The following CCDC38 variants were observed in gnomAD, a reference collection of about 807,000 sequenced individuals.
CCDC38 encodes the protein coiled-coil domain-containing protein 38.
CCDC38 carries 69 observed loss-of-function variants against 72.8 expected under a neutral mutation model. The observed-to-expected ratio is 0.95, with a 90% CI of 0.78 to 1.16. CCDC38 has a LOEUF of 1.16. Among genes scored for constraint, CCDC38 ranks in the 50% most tolerant of loss-of-function variants. CCDC38 has a pLI of 0.00. For missense variants in CCDC38, 626 were observed against 638.9 expected, an observed-to-expected ratio of 0.98 and a Z score of 0.22; for synonymous variants, 201 against 213.2, an observed-to-expected ratio of 0.94 and a Z score of 0.50.
chr12:95,933,885 A>G (rs1473803093), intron 2 of CCDC38: 4 of 152,184 alleles, frequency 2.6e-5, no homozygotes, highest in Non-Finnish European at 5.9e-5. Flanking sequence ...TGAATCTTAA[A>G]ATATAATGTT....
rs2079657779 is a variant in CCDC38, at chr12:95,878,277, CTCT to C, written c.1209_1211del (p.Glu404del). 6.2e-7 allele frequency: 1 copy of C among 1,613,636 alleles called. No homozygotes were observed. Among genetic ancestry groups the C allele is most frequent in the Non-Finnish European group, 8.5e-7 (1 of 1,179,782 alleles). ...ACTTTAATTGCAATTCTGCTGCTTT[CTCT>C]TCTTCTCTCACACAGTTAGCTTTAA... On this transcript the variant is annotated inframe_deletion, in exon 13 of 16. Transcript: ENST00000344280.
At chr12:95,900,656 A>C (rs1016990094) in intron 5 of CCDC38, among the ~76,000 whole-genome samples, 3 of 152,192 alleles carry the variant, frequency 2.0e-5, no homozygotes, top group Admixed American at 1.3e-4. Flanking sequence ...TGCAATTGTC[A>C]TTAGAATGCC....
At chr12:95,874,708 A>G (rs1401797103) in intron 13 of CCDC38, among the ~76,000 whole-genome samples, 8 of 152,162 alleles carry the variant, frequency 5.3e-5, no homozygotes, top group Non-Finnish European at 1.0e-4. Context: ...GCCCAGGTGA[A>G]TGGGACAGGA....
In CCDC38 at chr12:95,878,576, T is replaced by G. The variant is rs145769143; in HGVS notation, c.1143-230A>C. 4.9e-4 allele frequency among the ~76,000 whole-genome samples: 75 copies of G among 152,250 alleles called. No individual in the cohort carries two copies. The East Asian group carries it at 0.013, about 26-fold the overall frequency. The stretch of plus-strand genomic sequence containing the variant: ...TCCATCAGAAGGCATTTTCTTCCCC[T>G]CCCCTACTTTTGTGGTTCCATTCGA... On this transcript the variant is annotated intron_variant, in intron 12 of 15. Transcript: ENST00000344280.
chr12:95,933,733 A>T (rs1379398828), intron 2 of CCDC38: 2 of 152,258 alleles, frequency 1.3e-5, no homozygotes, highest in Non-Finnish European at 2.9e-5. Context: ...AAGAATGTTT[A>T]TTAGCAGCAC....
At chr12:95,904,550 C>G (rs1380755883) in intron 5 of CCDC38, among the ~76,000 whole-genome samples, 3 of 152,252 alleles carry the variant, frequency 2.0e-5, no homozygotes, top group African/African-American at 7.2e-5. Context: ...TGCAAAGCTT[C>G]CAGTGTTCCC....
At position 95,888,969 on chromosome 12, in the gene CCDC38, A is replaced by T. The variant is rs115649781; in HGVS notation, c.872-463T>A. Reference sequence around the variant, plus strand: ...TGAGTAAAGGAAAGAAGGGGAAAAAAAATGGATGAAGAAGAACCAATCAGA... The same window carrying T: ...TGAGTAAAGGAAAGAAGGGGAAAAATAATGGATGAAGAAGAACCAATCAGA... On this transcript the variant is annotated intron_variant, in intron 9 of 15. Transcript: ENST00000344280. The T allele has an allele frequency of 4.3e-3, 780 of 181,392 alleles. 5 individuals are homozygous for T. Among genetic ancestry groups the T allele is most frequent in the African/African-American group, 0.018 (751 of 41,644 alleles). 11.2% of individuals were successfully genotyped at this position (181,392 alleles called of 1,614,324 possible).
chr12:95,907,666 G>C lies in CCDC38; in HGVS notation c.305-1215C>G, dbSNP rs1298553113. ...AGACGGGGTGGCTGCCGGGCAGAGGGGCTCCTCACTTCTCAGACGGGGCGG... is the reference window on the plus strand; with the variant it reads ...AGACGGGGTGGCTGCCGGGCAGAGGCGCTCCTCACTTCTCAGACGGGGCGG... On this transcript the variant is annotated intron_variant, in intron 4 of 15. Coordinates refer to ENST00000344280, the MANE Select transcript of CCDC38 (RefSeq NM_182496.3). Among the ~76,000 whole-genome samples the C allele has an allele frequency of 5.7e-4, 54 of 95,258 alleles. 1 individual carries two copies. The highest frequency in any genetic ancestry group is 1.8e-3 in the African/African-American group (47 of 25,514). The allele number at this position is 95,258 out of a possible 152,430, so 62.5% of individuals were successfully genotyped here. A position where few individuals can be genotyped will look rare whatever the true frequency, so the allele number is the denominator to read the frequency against.
intron 2 of CCDC38, among the ~76,000 whole-genome samples, chr12:95,921,774 T>C (rs1028649760): frequency 6.6e-6 from 1 of 151,750 alleles, no homozygotes; most frequent in Non-Finnish European, 1.5e-5. Flanking sequence ...AGAGGATTCC[T>C]GAAGACACAT....
chr12:95,936,048 A>T (rs2080390152), intron 2 of CCDC38, among the ~76,000 whole-genome samples: 1 of 152,184 alleles, frequency 6.6e-6, no homozygotes, highest in Non-Finnish European at 1.5e-5. Flanking sequence ...AATGCACTCC[A>T]GCTTGGGCAA....
At chr12:95,890,286 A>C (rs2079810221) in intron 9 of CCDC38, among the ~76,000 whole-genome samples, 1 of 152,224 alleles carries the variant, frequency 6.6e-6, no homozygotes, top group Admixed American at 6.5e-5. Flanking sequence ...AGCGCAGCCC[A>C]GTGGGCCAAA....
intron 15 of CCDC38, 65 bp downstream of exon 15, chr12:95,869,415 G>A (rs1413257049): frequency 5.9e-6 from 7 of 1,192,970 alleles, no homozygotes; most frequent in South Asian, 1.3e-5. Context: ...GACGAATAAA[G>A]TATTTTGTTT....
At chr12:95,938,535 TAAACCAATTGCTAAGAGC>T in intron 1 of CCDC38, among the ~76,000 whole-genome samples, 1 of 152,352 alleles carries the variant, frequency 6.6e-6, no homozygotes, top group Non-Finnish European at 1.5e-5. Flanking sequence ...TCTGTTCCTT[TAAACCAATTGCTAAGAGC>T]AGATATCTGC....
chr12:95,935,021 C>T (rs2080378215), intron 2 of CCDC38: 1 of 152,062 alleles, frequency 6.6e-6, no homozygotes. Flanking sequence ...TCCCATTATC[C>T]CATTCCCTGG....
chr12:95,898,874 G>C (rs2079921888), intron 5 of CCDC38, 143 bp from the exon 6 acceptor site: 1 of 826,394 alleles, frequency 1.2e-6, no homozygotes. Flanking sequence ...TTTCTTGAAG[G>C]AGTTTTATTT....
chr12:95,932,952 GGAGA>G (rs1446962100), intron 2 of CCDC38, among the ~76,000 whole-genome samples: 1 of 152,156 alleles, frequency 6.6e-6, no homozygotes, highest in Non-Finnish European at 1.5e-5. Flanking sequence ...CATGGGGAAA[GGAGA>G]GACTGTTCAA....
intron 10 of CCDC38, among the ~76,000 whole-genome samples, chr12:95,884,273 A>G (rs1592761346): frequency 1.3e-5 from 2 of 152,278 alleles, no homozygotes; most frequent in East Asian, 3.8e-4. Flanking sequence ...GTATTTCTCT[A>G]TATTAGCAAT....
At chr12:95,872,159 A>G (rs1340929997) in intron 14 of CCDC38, 96 bp downstream of exon 14, 2 of 1,084,768 alleles carry the variant, frequency 1.8e-6, no homozygotes, top group Admixed American at 1.8e-5. Context: ...CTGTGTCCCT[A>G]TAATATGACA....
chr12:95,914,527 T>A (rs558458095), intron 4 of CCDC38, among the ~76,000 whole-genome samples: 2 of 152,144 alleles, frequency 1.3e-5, no homozygotes, highest in Non-Finnish European at 2.9e-5. Flanking sequence ...AGCCTTTGTA[T>A]CATTTCACCC....
Sources: allele counts gnomAD v4.1 joint callset (sites outside exome capture counted in the v4.1 genomes callset), GRCh38; gene constraint gnomAD v4.1.1; transcripts MANE v1.5; gene names NCBI Gene and HGNC (gene_info 2026-07-23, HGNC 2026-07-21).